Variants in CDH8 observed in about 807,000 individuals in gnomAD.
CDH8 encodes the protein cadherin-8.
CDH8 carries 17 observed loss-of-function variants against 68.1 expected under a neutral mutation model. That is an observed-to-expected ratio of 0.25 (90% confidence interval 0.17 to 0.37). CDH8 has a LOEUF of 0.37. Among genes scored for constraint, CDH8 ranks in the 10% least tolerant of loss-of-function variants. CDH8 has a pLI of 1.00. For synonymous variants in CDH8, 372 were observed against 365.1 expected (o/e 1.02, Z -0.21); for missense variants, 763 against 999.3 (o/e 0.76, Z 3.19).
At chr16:61,922,363 A>C (rs1326168753) in intron 2 of CDH8, among the ~76,000 whole-genome samples, 1 of 152,196 alleles carries the variant, frequency 6.6e-6, no homozygotes, top group Non-Finnish European at 1.5e-5. Flanking sequence ...CGTTTACTGT[A>C]GAATATGTGG....
intron 7 of CDH8, among the ~76,000 whole-genome samples, chr16:61,791,507 C>A (rs1961379759): frequency 6.6e-6 from 1 of 152,038 alleles, no homozygotes; most frequent in South Asian, 2.1e-4. Context: ...TTATCACTTT[C>A]TGCATTATAT....
At chr16:61,760,884 T>G (rs1960448565) in intron 8 of CDH8, among the ~76,000 whole-genome samples, 1 of 152,114 alleles carries the variant, frequency 6.6e-6, no homozygotes, top group African/African-American at 2.4e-5. Flanking sequence ...GAGTCATCAT[T>G]GTATTTGTAA....
chr16:61,919,203 C>T (rs1160802005), intron 2 of CDH8, among the ~76,000 whole-genome samples: 1 of 146,028 alleles, frequency 6.8e-6, no homozygotes, highest in Non-Finnish European at 1.5e-5. Flanking sequence ...GATAAAACCA[C>T]AAAGATGGGG....
intron 8 of CDH8, among the ~76,000 whole-genome samples, chr16:61,756,879 A>G (rs1413933681): frequency 6.6e-6 from 1 of 152,208 alleles, no homozygotes; most frequent in Non-Finnish European, 1.5e-5. Context: ...CTGTGTGCAC[A>G]TAGATACTGC....
intron 2 of CDH8, among the ~76,000 whole-genome samples, chr16:61,907,008 A>T (rs1424418320): frequency 6.6e-6 from 1 of 152,222 alleles, no homozygotes; most frequent in Non-Finnish European, 1.5e-5. Flanking sequence ...TCAAAATCAG[A>T]GTAAGAACCC....
chr16:61,757,138 A>G (rs1158474153), intron 8 of CDH8, among the ~76,000 whole-genome samples: 1 of 152,200 alleles, frequency 6.6e-6, no homozygotes, highest in Non-Finnish European at 1.5e-5. Flanking sequence ...CTTGGTTTGC[A>G]GAGAAAAAGT....
At chr16:62,027,451 C>T (rs894695497) in intron 1 of CDH8, among the ~76,000 whole-genome samples, 6 of 152,206 alleles carry the variant, frequency 3.9e-5, no homozygotes, top group Non-Finnish European at 7.3e-5. Flanking sequence ...CTTTTACAGA[C>T]ACTTCAGGAT....
chr16:61,664,867 G>GA (rs1476137294), intron 10 of CDH8, among the ~76,000 whole-genome samples: 25 of 151,988 alleles, frequency 1.6e-4, no homozygotes, highest in Admixed American at 1.6e-3. Flanking sequence ...GTTAGTCAAG[G>GA]AGAAATTTCT....
intron 8 of CDH8, among the ~76,000 whole-genome samples, chr16:61,738,901 C>G (rs961340122): frequency 7.9e-5 from 12 of 151,952 alleles, no homozygotes; most frequent in African/African-American, 2.9e-4. Context: ...TACTTTGGTT[C>G]AATTTGTAAC....
chr16:61,700,385 A>T (rs1964401336), intron 10 of CDH8, among the ~76,000 whole-genome samples: 1 of 150,656 alleles, frequency 6.6e-6, no homozygotes, highest in Non-Finnish European at 1.5e-5. Flanking sequence ...GGTTCAAGCG[A>T]TTCTCCTGCC....
At chr16:61,857,050 A>G (rs748470306) in intron 4 of CDH8, 69 bp downstream of exon 4, 52 of 1,576,782 alleles carry the variant, frequency 3.3e-5, no homozygotes, top group Non-Finnish European at 4.3e-5. Context: ...TTCATAACCC[A>G]AATCCCAAGA....
intron 11 of CDH8, 24 bp downstream of exon 11, chr16:61,655,446 G>A (rs569963221): frequency 1.2e-6 from 2 of 1,612,978 alleles, no homozygotes; most frequent in Admixed American, 1.7e-5. Context: ...AGGGTGACCG[G>A]TAGGCTATGA....
chr16:61,913,672 T>C (rs938727470), intron 2 of CDH8, among the ~76,000 whole-genome samples: 2 of 152,116 alleles, frequency 1.3e-5, no homozygotes, highest in Non-Finnish European at 2.9e-5. Context: ...ACTTGAAATT[T>C]GGCTGAAAAC....
intron 8 of CDH8, among the ~76,000 whole-genome samples, chr16:61,753,125 TA>T (rs78677402): frequency 0.16 from 23,854 of 152,140 alleles, 3,025 homozygotes; most frequent in African/African-American, 0.35. Flanking sequence ...CTGTAGATAC[TA>T]ACATCTTGTG....
chr16:61,951,091 A>AATCATC (rs144502941), intron 2 of CDH8, among the ~76,000 whole-genome samples: 6,715 of 151,370 alleles, frequency 0.044, 181 homozygotes, highest in South Asian at 0.061. Flanking sequence ...GATAACTAGT[A>AATCATC]ATCATCATCA....
chr16:61,878,452 T>G (rs990806762), intron 3 of CDH8, among the ~76,000 whole-genome samples: 3 of 152,172 alleles, frequency 2.0e-5, no homozygotes, highest in African/African-American at 7.2e-5. Context: ...TAAGAATGGA[T>G]AGAGTCAAAG....
At chr16:62,025,080 A>C (rs1192379864) in intron 1 of CDH8, among the ~76,000 whole-genome samples, 1 of 152,204 alleles carries the variant, frequency 6.6e-6, no homozygotes, top group Non-Finnish European at 1.5e-5. Context: ...TATTGGCAGC[A>C]TTAAAGAAGG....
At chr16:61,843,044 C>A (rs549479997) in intron 4 of CDH8, among the ~76,000 whole-genome samples, 26 of 152,080 alleles carry the variant, frequency 1.7e-4, no homozygotes, top group Non-Finnish European at 2.6e-4. Flanking sequence ...TAAAGGGTGG[C>A]TCTAAAATGA....
chr16:62,017,847 C>T (rs2150609650), intron 2 of CDH8, among the ~76,000 whole-genome samples: 1 of 152,120 alleles, frequency 6.6e-6, no homozygotes, highest in East Asian at 1.9e-4. Context: ...TCCCACCCCA[C>T]ACCCCCGGGC....
Sources: gnomAD v4.1 joint callset for allele counts (sites outside exome capture counted in the v4.1 genomes callset) on GRCh38, gnomAD v4.1.1 for gene constraint, MANE v1.5 for transcripts, NCBI Gene and HGNC (gene_info 2026-07-23, HGNC 2026-07-21) for gene names.